The following CFAP161 variants were observed in gnomAD, a reference collection of about 807,000 sequenced individuals.
CFAP161 encodes cilia- and flagella-associated protein 161.
CFAP161 carries 25 observed loss-of-function variants against 29.0 expected under a neutral mutation model. The observed-to-expected ratio is 0.86, with a 90% CI of 0.63 to 1.20. CFAP161 has a LOEUF of 1.20. Ranked by LOEUF, CFAP161 falls within the 50% of genes most tolerant of loss-of-function variation. The pLI, the probability that CFAP161 is intolerant of heterozygous loss-of-function variation, is 0.00. For synonymous variants in CFAP161, 116 were observed against 137.4 expected (o/e 0.84, Z 1.09); for missense variants, 367 against 371.9 (o/e 0.99, Z 0.11).
chr15:81,147,140 T>C (rs1261245178), intron 5 of CFAP161, among the ~76,000 whole-genome samples: 1 of 151,964 alleles, frequency 6.6e-6, no homozygotes, highest in Non-Finnish European at 1.5e-5. Context: ...ACAAGACGAA[T>C]GCATAAGTAA....
At chr15:81,110,822 G>A (rs1019449440) in intron 1 of CFAP161, among the ~76,000 whole-genome samples, 4 of 152,168 alleles carry the variant, frequency 2.6e-5, no homozygotes, top group African/African-American at 9.7e-5. Context: ...TGTTCCTGGG[G>A]ACGAATGCTG....
chr15:81,122,555 G>T (rs1894588205), intron 1 of CFAP161, among the ~76,000 whole-genome samples: 1 of 148,874 alleles, frequency 6.7e-6, no homozygotes, highest in African/African-American at 2.5e-5. Flanking sequence ...GCAGTGGTAT[G>T]ATCTCGGCTC....
chr15:81,128,398 G>T (rs1020806957), intron 2 of CFAP161, among the ~76,000 whole-genome samples: 4 of 152,198 alleles, frequency 2.6e-5, no homozygotes, highest in Admixed American at 1.3e-4. Context: ...CATTTCAGCA[G>T]TGTTATAGTA....
intron 1 of CFAP161, among the ~76,000 whole-genome samples, chr15:81,111,653 A>G (rs1894441668): frequency 6.6e-6 from 1 of 152,026 alleles, no homozygotes; most frequent in Non-Finnish European, 1.5e-5. Flanking sequence ...GTACTTTCCC[A>G]TCATCTCCCC....
At chr15:81,113,309 A>G (rs1344805903) in intron 1 of CFAP161, among the ~76,000 whole-genome samples, 1 of 152,216 alleles carries the variant, frequency 6.6e-6, no homozygotes, top group East Asian at 1.9e-4. Flanking sequence ...AGGTCACTGG[A>G]GTGTTTTCCA....
upstream of CFAP161, chr15:81,134,255 C>A: frequency 2.0e-6 from 3 of 1,517,762 alleles, no homozygotes; most frequent in Non-Finnish European, 1.8e-6. Flanking sequence ...TCGCCTGGGG[C>A]CGGGTCGTCA....
At chr15:81,122,335 A>G (rs1374356515) in intron 1 of CFAP161, among the ~76,000 whole-genome samples, 1 of 152,148 alleles carries the variant, frequency 6.6e-6, no homozygotes, top group Admixed American at 6.6e-5. Context: ...CACCAACAGT[A>G]TAAATGCATT....
chr15:81,139,123 G>A (rs1410809244), intron 4 of CFAP161, among the ~76,000 whole-genome samples: 1 of 152,030 alleles, frequency 6.6e-6, no homozygotes, highest in East Asian at 1.9e-4. Flanking sequence ...GCAACATAGC[G>A]AGACCTCATC....
intron 1 of CFAP161, among the ~76,000 whole-genome samples, chr15:81,117,318 G>A (rs759454782): frequency 1.3e-5 from 2 of 152,098 alleles, no homozygotes; most frequent in Non-Finnish European, 2.9e-5. Context: ...CGCAATCTCA[G>A]TGTAATTGGT....
At chr15:81,145,793 A>G (rs557428986) in intron 5 of CFAP161, among the ~76,000 whole-genome samples, 10 of 152,302 alleles carry the variant, frequency 6.6e-5, no homozygotes, top group African/African-American at 2.4e-4. Context: ...AACACACACC[A>G]TGGGGAAGCA....
intron 1 of CFAP161, among the ~76,000 whole-genome samples, chr15:81,111,170 C>T (rs769636536): frequency 1.1e-3 from 175 of 152,192 alleles, no homozygotes; most frequent in Middle Eastern, 3.2e-3. Context: ...TTCGGCAACA[C>T]ACCTTACACA....
rs1210517695 is a variant in CFAP161 at position 81,148,595 on chromosome 15, A to G, written c.*62A>G. On this transcript the variant is annotated 3_prime_UTR_variant, in exon 7 of 7. Transcript: ENST00000286732. The stretch of plus-strand genomic sequence containing the variant: ...CTCATCAAATGTAGCTTTAAAAGAA[A>G]TTAACAACCTTGGTCATGCCTCAAG... The G allele has an allele frequency of 6.7e-7, 1 of 1,501,966 alleles. No homozygotes were observed. Among genetic ancestry groups the G allele is most frequent in the Non-Finnish European group, 9.0e-7 (1 of 1,105,220 alleles). 93.0% of individuals were successfully genotyped at this position (1,501,966 alleles called of 1,614,324 possible). A position where few individuals can be genotyped will look rare whatever the true frequency, so the allele number is the denominator to read the frequency against.
Position 81,136,723 on chromosome 15 carries a change from G to C in CFAP161, c.367G>C (p.Gly123Arg). The C allele has an allele frequency of 1.9e-6, 3 of 1,613,790 alleles. No homozygotes were observed. Among genetic ancestry groups the C allele is most frequent in the Non-Finnish European group, 2.5e-6 (3 of 1,179,840 alleles). ...CGCAGTTCAAGCCAAGACCCCAATT[G>C]GCAGAAACACTTTTATCATTTTGAG... The part of the protein sequence containing the change: ...LSAVQAKTPI[G>R]RNTFIILSVH... The change falls in exon 3 of 7, where the codon GGC becomes CGC. Residue 123 changes from glycine (G) to arginine (R), a missense_variant. By Grantham distance (125) the Gly-to-Arg change is moderately radical. Transcript: ENST00000286732.
At chr15:81,126,825 A>G (rs1274394617) in intron 1 of CFAP161, among the ~76,000 whole-genome samples, 1 of 152,212 alleles carries the variant, frequency 6.6e-6, no homozygotes, top group Non-Finnish European at 1.5e-5. Context: ...ATTGATTTGA[A>G]AGTTCTTAAA....
At chr15:81,101,126 C>T (rs1163306280) in intron 1 of CFAP161, among the ~76,000 whole-genome samples, 1 of 152,148 alleles carries the variant, frequency 6.6e-6, no homozygotes, top group Non-Finnish European at 1.5e-5. Flanking sequence ...GCAAGGTTGG[C>T]AATGGAAATA....
rs1427961443 is a variant in CFAP161, at chr15:81,148,379, A to C, written c.752A>C (p.Tyr251Ser). 2 of 1,614,162 alleles carry C rather than the reference A, an allele frequency of 1.2e-6. No homozygotes were observed. The highest frequency in any genetic ancestry group is 2.2e-5 in the South Asian group (2 of 91,082). ...GKEAEVVAHT[Y>S]LDSHRVEKPR... ...GAGGCTGAGGTTGTAGCTCACACAT[A>C]CCTGGATTCACATAGAGTTGAGAAA... is the stretch of plus-strand genomic sequence containing the variant. Residue 251 changes from tyrosine (Y) to serine (S), a missense_variant, in exon 7 of 7, where the codon TAC (tyrosine) becomes TCC (serine). Physicochemically the swap from Tyr to Ser is moderately radical, Grantham distance 144 (BLOSUM62 -2). Coordinates refer to ENST00000286732, the MANE Select transcript of CFAP161 (RefSeq NM_173528.4).
At position 81,147,873 on chromosome 15, in the gene CFAP161, CTCATCAA is replaced by C. The variant is rs1895035435; in HGVS notation, c.656_662del (p.Ile219ThrfsTer16). ...ATCTGTTAAGGCAAATGCTAAAATT[CTCATCAA>C]TCACTGTCACACAAATCGGGGACTG... On this transcript the variant is annotated frameshift_variant, in exon 6 of 7. Transcript: ENST00000286732. LOFTEE classifies it high-confidence loss of function. The C allele has an allele frequency of 1.3e-5, 21 of 1,607,874 alleles. No homozygotes were observed. The highest frequency in any genetic ancestry group is 1.8e-5 in the Non-Finnish European group (21 of 1,177,782).
chr15:81,109,053 C>G (rs920268657), intron 1 of CFAP161, among the ~76,000 whole-genome samples: 1 of 152,144 alleles, frequency 6.6e-6, no homozygotes, highest in Non-Finnish European at 1.5e-5. Flanking sequence ...GGAGCATTGT[C>G]ACGGTGGAGA....
chr15:81,136,744 T>G lies in CFAP161; in HGVS notation c.388T>G (p.Leu130Val). ...AATTGGCAGAAACACTTTTATCATT[T>G]TGAGGTAAAGAGACTTTAATTTTCA... ...TPIGRNTFII[L>V]SVHRDATGQV... The change falls in exon 3 of 7, where the codon TTG becomes GTG. Residue 130 changes from leucine to valine, a missense_variant. Leu to Val is a conservative substitution (Grantham distance 32). Transcript: ENST00000286732. 8.7e-6 allele frequency: 14 copies of G among 1,611,930 alleles called. No homozygotes were observed. The highest frequency in any genetic ancestry group is 1.2e-5 in the Non-Finnish European group (14 of 1,178,044).
Sources: gnomAD v4.1 joint callset for allele counts (sites outside exome capture counted in the v4.1 genomes callset) on GRCh38, gnomAD v4.1.1 for gene constraint, MANE v1.5 for transcripts, NCBI Gene and HGNC (gene_info 2026-07-23, HGNC 2026-07-21) for gene names.